The following PAFAH1B2 variants were observed in gnomAD, a reference collection of about 807,000 sequenced individuals.
PAFAH1B2 encodes platelet-activating factor acetylhydrolase IB subunit alpha2.
In PAFAH1B2, 8 loss-of-function variants were observed where a neutral mutation model predicts 28.0. That is an observed-to-expected ratio of 0.29 (90% confidence interval 0.17 to 0.52). The LOEUF (loss-of-function observed/expected upper bound fraction) is 0.52, where lower values mean the gene tolerates loss of function less well. Among genes scored for constraint, PAFAH1B2 ranks in the 20% least tolerant of loss-of-function variants. PAFAH1B2 has a pLI of 0.97. For missense variants in PAFAH1B2, 190 were observed against 282.6 expected (o/e 0.67, Z 2.35); for synonymous variants, 104 against 103.2 (o/e 1.01, Z -0.05).
At chr11:117,172,381 TATATATATATA>T (rs1956680799), downstream of PAFAH1B2, among the ~76,000 whole-genome samples, 26 of 5,452 alleles carry the variant, frequency 4.8e-3, no homozygotes, top group East Asian at 0.014. Context: ...TATATATATA[TATATATATATA>T]TATATATATA....
At chr11:117,152,380 T>C (rs919527465) in intron 1 of PAFAH1B2, 61 bp from the exon 2 acceptor site, 22 of 964,084 alleles carry the variant, frequency 2.3e-5, no homozygotes, top group Non-Finnish European at 3.5e-5. Flanking sequence ...GTGTATAATA[T>C]TTAAGTGGTA....
At chr11:117,150,186 GGTT>G (rs1396870081) in intron 1 of PAFAH1B2, among the ~76,000 whole-genome samples, 3 of 152,108 alleles carry the variant, frequency 2.0e-5, no homozygotes, top group Admixed American at 6.6e-5. Context: ...ATAATTTTTT[GGTT>G]GTTGTTTGTT....
chr11:117,164,958 C>CTTTT (rs368887694), intron 5 of PAFAH1B2, among the ~76,000 whole-genome samples: 3 of 132,230 alleles, frequency 2.3e-5, no homozygotes, highest in Admixed American at 7.8e-5. Context: ...TTTCTTTTTT[C>CTTTT]TTTTTTTTTT....
intron 5 of PAFAH1B2, among the ~76,000 whole-genome samples, chr11:117,164,395 A>G (rs1457463456): frequency 9.1e-6 from 1 of 110,242 alleles, no homozygotes; most frequent in Admixed American, 9.5e-5. Flanking sequence ...TGACAGAGCG[A>G]GACTCCGTCT....
chr11:117,171,698 G>C, downstream of PAFAH1B2: 2 of 1,535,724 alleles, frequency 1.3e-6, no homozygotes. Flanking sequence ...TGGTCGATCG[G>C]GACCTATCCT....
chr11:117,150,867 A>G (rs1956133822), intron 1 of PAFAH1B2, among the ~76,000 whole-genome samples: 1 of 151,972 alleles, frequency 6.6e-6, no homozygotes. Context: ...GGGCGCTTGT[A>G]GTCCCAGCTA....
intron 2 of PAFAH1B2, among the ~76,000 whole-genome samples, chr11:117,155,609 TTTG>T (rs1444883601): frequency 2.6e-5 from 4 of 152,174 alleles, no homozygotes; most frequent in Non-Finnish European, 4.4e-5. Flanking sequence ...ATATAGCCCT[TTTG>T]TTGAGAATTT....
chr11:117,144,333 G>A lies in PAFAH1B2; in HGVS notation c.-93G>A, dbSNP rs1283511894. On this transcript the variant is annotated 5_prime_UTR_variant, in exon 1 of 6. Coordinates refer to ENST00000527958, the MANE Select transcript of PAFAH1B2 (RefSeq NM_002572.4). ...GGGGCCGGAGGAGGGACGCGCCGGA[G>A]CGGGACCGACGGGACCGAGCGAGCG... The A allele has an allele frequency of 4.8e-6, 2 of 413,806 alleles. No homozygotes were observed. The highest frequency in any genetic ancestry group is 4.9e-6 in the Non-Finnish European group (1 of 203,384). The allele number at this position is 413,806 out of a possible 1,614,324, so 25.6% of individuals were successfully genotyped here.
At chr11:117,160,101 C>G in intron 3 of PAFAH1B2, 78 bp downstream of exon 3, 1 of 996,682 alleles carries the variant, frequency 1.0e-6, no homozygotes, top group Non-Finnish European at 1.6e-6. Context: ...TCATTCTGAG[C>G]TGAACTTACT....
downstream of PAFAH1B2, chr11:117,176,007 G>A (rs1481935835): frequency 8.3e-7 from 1 of 1,201,042 alleles, no homozygotes; most frequent in Non-Finnish European, 1.2e-6. Flanking sequence ...TGACTGCATG[G>A]AGGGCTCATG....
At chr11:117,151,592 G>A (rs190356633) in intron 1 of PAFAH1B2, among the ~76,000 whole-genome samples, 3 of 152,186 alleles carry the variant, frequency 2.0e-5, no homozygotes, top group Non-Finnish European at 2.9e-5. Context: ...AACATTTGTC[G>A]AAAACCAGTG....
At chr11:117,152,630 C>G in intron 2 of PAFAH1B2, 102 bp downstream of exon 2, 1 of 815,430 alleles carries the variant, frequency 1.2e-6, no homozygotes, top group Non-Finnish European at 2.1e-6. Context: ...GTTGCCCAGG[C>G]TGATCTCAAA....
intron 1 of PAFAH1B2, among the ~76,000 whole-genome samples, chr11:117,144,937 G>A (rs950248477): frequency 6.6e-6 from 1 of 152,212 alleles, no homozygotes; most frequent in East Asian, 1.9e-4. Context: ...ACTCCGTTGT[G>A]TTTTTACCGA....
rs753148278 is a variant in PAFAH1B2 at position 117,167,443 on chromosome 11, A to T, written c.434A>T (p.Lys145Ile). The T allele has an allele frequency of 4.4e-6, 7 of 1,588,544 alleles. No individual in the cohort carries two copies. Among genetic ancestry groups the T allele is most frequent in the African/African-American group, 1.3e-5 (1 of 74,686 alleles). The change falls in exon 6 of 6, where the codon AAA (lysine) becomes ATA (isoleucine). Residue 145 changes from lysine (K) to isoleucine (I), a missense_variant. Coordinates refer to ENST00000527958, the MANE Select transcript of PAFAH1B2 (RefSeq NM_002572.4). ...IVLGLLPRGE[K>I]PNPLRQKNAK... ...CAGGGTTTGTTACCTCGAGGTGAGA[A>T]ACCCAATCCTTTGAGGCAAAAGAAC...
At chr11:117,172,404 ATTTTTT>A (rs375747711), downstream of PAFAH1B2, among the ~76,000 whole-genome samples, 16 of 8,678 alleles carry the variant, frequency 1.8e-3, no homozygotes, top group East Asian at 3.9e-3. Flanking sequence ...ATATATATAT[ATTTTTT>A]TTTTTTTTTT....
downstream of PAFAH1B2, among the ~76,000 whole-genome samples, chr11:117,172,373 T>TTTTTTTTAC (rs1956674847): frequency 2.0e-4 from 1 of 5,026 alleles, no homozygotes; most frequent in African/African-American, 4.6e-4. Flanking sequence ...TATATATATA[T>TTTTTTTTAC]ATATATATAT....
rs1956567235 is a variant in PAFAH1B2, at chr11:117,168,450, T to TTTTTTTTTTG, written c.*760_*761insGTTTTTTTTT. On this transcript the variant is annotated 3_prime_UTR_variant, in exon 6 of 6. Coordinates refer to ENST00000527958, the MANE Select transcript of PAFAH1B2 (RefSeq NM_002572.4). ...CTTCATTCCCCCCGCCACCCCGTTT[T>TTTTTTTTTTG]TTTTTTTTTTTTTTTTTTTTTGGTT... The TTTTTTTTTTG allele has an allele frequency of 2.5e-6, 1 of 408,052 alleles. No homozygotes were observed. Among genetic ancestry groups the TTTTTTTTTTG allele is most frequent in the Non-Finnish European group, 2.8e-6 (1 of 357,766 alleles). 25.3% of individuals were successfully genotyped at this position (408,052 alleles called of 1,614,324 possible).
intron 2 of PAFAH1B2, 182 bp from the exon 3 acceptor site, chr11:117,159,748 AAAAG>A (rs1479629888): frequency 5.9e-4 from 310 of 527,016 alleles, no homozygotes; most frequent in Non-Finnish European, 9.1e-4. Context: ...AAAAAAAAAA[AAAAG>A]AAAGAAAAAA....
chr11:117,167,329 A>C, intron 5 of PAFAH1B2, 92 bp from the exon 6 acceptor site: 1 of 1,286,432 alleles, frequency 7.8e-7, no homozygotes, highest in Non-Finnish European at 1.1e-6. Context: ...AAAGTGCCAA[A>C]TGGAGATGTT....
Sources: allele counts gnomAD v4.1 joint callset (sites outside exome capture counted in the v4.1 genomes callset), GRCh38; gene constraint gnomAD v4.1.1; transcripts MANE v1.5; gene names NCBI Gene and HGNC (gene_info 2026-07-23, HGNC 2026-07-21).